TNNI3: variants seen among roughly 807,000 people sequenced by gnomAD.
TNNI3 encodes the protein troponin I3, cardiac type, also known as troponin I, cardiac muscle.
Under a neutral mutation model 31.5 loss-of-function variants are expected in TNNI3, and 23 were observed. The ratio of observed to expected loss-of-function variants is 0.73; its 90% confidence interval spans 0.52 to 1.03. The LOEUF (loss-of-function observed/expected upper bound fraction) is 1.03. Among genes scored for constraint, TNNI3 ranks in the 50% least tolerant of loss-of-function variants. TNNI3 has a pLI of 0.00. For synonymous variants in TNNI3, 120 were observed against 111.7 expected, an observed-to-expected ratio of 1.07 and a Z score of -0.47; for missense variants, 236 against 282.9, an observed-to-expected ratio of 0.83 and a Z score of 1.19.
At chr19:55,154,651 G>T in intron 6 of TNNI3, 90 bp downstream of exon 6, 1 of 1,165,760 alleles carries the variant, frequency 8.6e-7, no homozygotes, top group Non-Finnish European at 1.3e-6. Context: ...GGGATGTGCA[G>T]CCAAAAGCAG....
At position 55,157,647 on chromosome 19, in the gene TNNI3, G is replaced by T. The variant is rs768695532; in HGVS notation, c.-58C>A. 1 of 1,610,890 alleles carries T rather than the reference G, an allele frequency of 6.2e-7. No individual in the cohort carries two copies. Among genetic ancestry groups the T allele is most frequent in the Admixed American group, 1.7e-5 (1 of 59,850 alleles). ...GGGCGAGGACAGGGGCGTTTGGAGG[G>T]TCAGTGAGGGGGCCGCCCGGGTGAC... On this transcript the variant is annotated 5_prime_UTR_variant, in exon 1 of 8. Transcript: ENST00000344887. The surrounding 1 kb of genome is among the most constrained non-coding windows in gnomAD (Gnocchi z 6.3).
Position 55,156,718 on chromosome 19 carries a change from C to A in TNNI3, c.109-74G>T. ...GACGACGGTGGAGGGGACCTCAAGA[C>A]ACCCCCAGCAAACCCAGCCGGTCCA... On this transcript the variant is annotated intron_variant, in intron 3 of 7. Coordinates refer to ENST00000344887, the MANE Select transcript of TNNI3 (RefSeq NM_000363.5). This position sits in a 1 kb window ranked among gnomAD's most constrained non-coding sequence, Gnocchi z 4.6. The A allele has an allele frequency of 6.6e-7, 1 of 1,507,318 alleles. No homozygotes were observed. The highest frequency in any genetic ancestry group is 9.0e-7 in the Non-Finnish European group (1 of 1,106,892). 93.4% of individuals were successfully genotyped at this position (1,507,318 alleles called of 1,614,324 possible).
rs749136271 is a variant in TNNI3 at position 55,154,804 on chromosome 19, A to G, written c.309T>C (p.Arg103=). The change falls in exon 6 of 8, where the codon CGT becomes CGC. Residue 103 remains arginine, a synonymous_variant. Coordinates refer to ENST00000344887, the MANE Select transcript of TNNI3 (RefSeq NM_000363.5). ...LQDLCRQLHA[R]VDKVDEERYD... is the part of the protein sequence containing the mutation. ...ATCTCTCTTCATCCACCTTGTCCAC[A>G]CGGGCGTGGAGCTGTCGGCACAAGT... is the stretch of plus-strand genomic sequence containing the variant. 1 of 1,614,074 alleles carries G rather than the reference A, an allele frequency of 6.2e-7. No individual in the cohort carries two copies. The highest frequency in any genetic ancestry group is 8.5e-7 in the Non-Finnish European group (1 of 1,180,006).
Position 55,157,585 on chromosome 19 carries a change from G to T in TNNI3, c.5C>A (p.Ala2Glu). M[A>E]DGSSDAAREP... ...GCCTTGGGGCATCACTCACCCATCC[G>T]CCATGCTGAGACTCAGGCCGGGAAT... Residue 2 changes from alanine (A) to glutamate (E), a missense_variant, in exon 1 of 8, where the codon GCG becomes GAG. By Grantham distance (107) the Ala-to-Glu change is moderately radical (BLOSUM62 -1). This residue lies in a region of TNNI3 where 172 missense variants were observed against 171.8 expected (regional missense o/e 1.00). Transcript: ENST00000344887. This position sits in a 1 kb window ranked among gnomAD's most constrained non-coding sequence, Gnocchi z 6.3. 1 of 1,613,998 alleles carries T rather than the reference G, an allele frequency of 6.2e-7. No homozygotes were observed. Among genetic ancestry groups the T allele is most frequent in the African/African-American group, 1.3e-5 (1 of 75,040 alleles).
rs777905698 is a variant in TNNI3 at position 55,156,178 on chromosome 19, C to T, written c.282+23G>A. Reference sequence around the variant, plus strand: ...ACTGCTGAATTCCGGGACTAGAAACCTCGCATCCTTGGGAGCCGGTACCTG... The same window carrying T: ...ACTGCTGAATTCCGGGACTAGAAACTTCGCATCCTTGGGAGCCGGTACCTG... On this transcript the variant is annotated intron_variant, in intron 5 of 7. Transcript: ENST00000344887. The surrounding 1 kb of genome is among the most constrained non-coding windows in gnomAD (Gnocchi z 4.6). 1 of 1,612,492 alleles carries T rather than the reference C, an allele frequency of 6.2e-7. No homozygotes were observed. Among genetic ancestry groups the T allele is most frequent in the Non-Finnish European group, 8.5e-7 (1 of 1,179,724 alleles).
rs2085738889 is a variant in TNNI3 at position 55,157,120 on chromosome 19, C to A, written c.38G>T (p.Arg13Leu). The change falls in exon 3 of 8, where the codon CGC becomes CTC. Residue 13 changes from arginine to leucine, a missense_variant. Physicochemically the swap from Arg to Leu is moderately radical, Grantham distance 102. Coordinates refer to ENST00000344887, the MANE Select transcript of TNNI3 (RefSeq NM_000363.5). The surrounding 1 kb of genome is among the most constrained non-coding windows in gnomAD (Gnocchi z 6.3). The part of the protein sequence containing the change: ...DGSSDAAREP[R>L]PAPAPIRRRS... ...GCGTCTGATTGGGGCTGGTGCAGGGCGAGGTTCCCTAGCCTGGGTTAGGAG... is the reference window on the plus strand; with the variant it reads ...GCGTCTGATTGGGGCTGGTGCAGGGAGAGGTTCCCTAGCCTGGGTTAGGAG... 1 of 1,601,960 alleles carries A rather than the reference C, an allele frequency of 6.2e-7. No homozygotes were observed. The highest frequency in any genetic ancestry group is 8.5e-7 in the Non-Finnish European group (1 of 1,176,040).
At position 55,156,502 on chromosome 19, in the gene TNNI3, A is replaced by G. The variant is rs1224253740; in HGVS notation, c.150+101T>C. The G allele has an allele frequency of 1.2e-5, 18 of 1,520,254 alleles. No homozygotes were observed. Among genetic ancestry groups the G allele is most frequent in the Admixed American group, 3.9e-5 (2 of 50,698 alleles). The allele number at this position is 1,520,254 out of a possible 1,614,324, so 94.2% of individuals were successfully genotyped here. ...CTAAAGCCACGCCCCGAGCGGCCAAACCCCGCCCACTTCCGCCCACCTACC... is the reference window on the plus strand; with the variant it reads ...CTAAAGCCACGCCCCGAGCGGCCAAGCCCCGCCCACTTCCGCCCACCTACC... On this transcript the variant is annotated intron_variant, in intron 4 of 7. Transcript: ENST00000344887. The surrounding 1 kb of genome is among the most constrained non-coding windows in gnomAD (Gnocchi z 4.6).
At position 55,152,565 on chromosome 19, in the gene TNNI3, A is replaced by G. The variant is rs1440289134; in HGVS notation, c.550-648T>C. ...AGAAGGGTGATTACAGTGCTATAAG[A>G]TATTTTGAGAAAGAGACCACATTCA... On this transcript the variant is annotated intron_variant, in intron 7 of 7. Transcript: ENST00000344887. The surrounding 1 kb of genome is among the most constrained non-coding windows in gnomAD (Gnocchi z 4.0). 6.6e-6 allele frequency among the ~76,000 whole-genome samples: 1 copy of G among 152,228 alleles called. No homozygotes were observed. The highest frequency in any genetic ancestry group is 2.4e-5 in the African/African-American group (1 of 41,442).
chr19:55,153,896 T>C (rs957256846), intron 7 of TNNI3, 134 bp downstream of exon 7: 1 of 944,106 alleles, frequency 1.1e-6, no homozygotes, highest in African/African-American at 1.6e-5. Context: ...TGTCTTCCTC[T>C]TGCATTTCTG....
rs746952647 is a variant in TNNI3 at position 55,157,536 on chromosome 19, G to A, written c.11+43C>T. The A allele has an allele frequency of 3.7e-5, 59 of 1,612,456 alleles. No homozygotes were observed. The highest frequency in any genetic ancestry group is 4.6e-5 in the Non-Finnish European group (54 of 1,178,906). On this transcript the variant is annotated intron_variant, in intron 1 of 7. Transcript: ENST00000344887. This position sits in a 1 kb window ranked among gnomAD's most constrained non-coding sequence, Gnocchi z 6.3. ...CAGCTGCGACCCCTCTTGGGAACCCGGGAGGTCGCCCCCAACTCCCACTGC... is the reference window on the plus strand; with the variant it reads ...CAGCTGCGACCCCTCTTGGGAACCCAGGAGGTCGCCCCCAACTCCCACTGC...
chr19:55,156,840 T>G lies in TNNI3; in HGVS notation c.109-196A>C, dbSNP rs894602737. On this transcript the variant is annotated intron_variant, in intron 3 of 7. Coordinates refer to ENST00000344887, the MANE Select transcript of TNNI3 (RefSeq NM_000363.5). This position sits in a 1 kb window ranked among gnomAD's most constrained non-coding sequence, Gnocchi z 4.6. ...TGGGTCTCTTCCTTTGGATAGGCAC[T>G]TCCCATCTATCCCTAAGCAAGTCCG... is the stretch of plus-strand genomic sequence containing the variant. 2 of 829,138 alleles carry G rather than the reference T, an allele frequency of 2.4e-6. No homozygotes were observed. The highest frequency in any genetic ancestry group is 5.3e-5 in the East Asian group (2 of 37,560). 51.4% of individuals were successfully genotyped at this position (829,138 alleles called of 1,614,324 possible).
In TNNI3 at chr19:55,157,687, G is replaced by T. The variant is rs12973773; in HGVS notation, c.-98C>A. 0.013 allele frequency: 19,287 copies of T among 1,455,528 alleles called. 139 individuals are homozygous for T. The highest frequency in any genetic ancestry group is 0.016 in the Non-Finnish European group (16,552 of 1,042,760). The allele number at this position is 1,455,528 out of a possible 1,614,324, so 90.2% of individuals were successfully genotyped here. A position where few individuals can be genotyped will look rare whatever the true frequency, so the allele number is the denominator to read the frequency against. Reference sequence around the variant, plus strand: ...GCCCGGGTGACCTTCAGGGTCCCAGGGACCGTCAGTCTCCTCCGGGCTGCT... The same window carrying T: ...GCCCGGGTGACCTTCAGGGTCCCAGTGACCGTCAGTCTCCTCCGGGCTGCT... On this transcript the variant is annotated 5_prime_UTR_variant, in exon 1 of 8. Transcript: ENST00000344887. This position sits in a 1 kb window ranked among gnomAD's most constrained non-coding sequence, Gnocchi z 6.3.
chr19:55,153,939 T>C, intron 7 of TNNI3, 91 bp downstream of exon 7: 1 of 1,493,602 alleles, frequency 6.7e-7, no homozygotes. Flanking sequence ...TACCTCCAAC[T>C]CCAAGCACCA....
Position 55,156,498 on chromosome 19 carries a change from C to G in TNNI3, c.150+105G>C, listed in dbSNP as rs1490353194. ...CCCGCTAAAGCCACGCCCCGAGCGG[C>G]CAAACCCCGCCCACTTCCGCCCACC... On this transcript the variant is annotated intron_variant, in intron 4 of 7. Transcript: ENST00000344887. The surrounding 1 kb of genome is among the most constrained non-coding windows in gnomAD (Gnocchi z 4.6). 3.3e-6 allele frequency: 5 copies of G among 1,522,034 alleles called. No homozygotes were observed. The highest frequency in any genetic ancestry group is 2.8e-5 in the African/African-American group (2 of 72,324). 94.3% of individuals were successfully genotyped at this position (1,522,034 alleles called of 1,614,324 possible). A position where few individuals can be genotyped will look rare whatever the true frequency, so the allele number is the denominator to read the frequency against.
chr19:55,154,436 A>G, intron 6 of TNNI3: 3 of 626,716 alleles, frequency 4.8e-6, no homozygotes, highest in Non-Finnish European at 8.5e-6. Context: ...TGGTCCAGCT[A>G]CATGCAAATC....
intron 7 of TNNI3, among the ~76,000 whole-genome samples, chr19:55,153,762 A>ATTTTTTTTT (rs1259204157): frequency 2.6e-5 from 4 of 152,330 alleles, no homozygotes; most frequent in Non-Finnish European, 4.4e-5. Context: ...ATTAAAAAAA[A>ATTTTTTTTT]ATTTTTTTTA....
chr19:55,154,977 G>C (rs569755158), intron 5 of TNNI3, 147 bp from the exon 6 acceptor site: 1 of 705,312 alleles, frequency 1.4e-6, no homozygotes, highest in Admixed American at 2.1e-5. Context: ...CTGGGTCTGA[G>C]GGAGGAGTTG....
Position 55,157,408 on chromosome 19 carries a change from C to G in TNNI3, c.12-100G>C, listed in dbSNP as rs2085742153. 12 of 1,600,106 alleles carry G rather than the reference C, an allele frequency of 7.5e-6. No homozygotes were observed. Among genetic ancestry groups the G allele is most frequent in the Admixed American group, 1.7e-5 (1 of 59,400 alleles). On this transcript the variant is annotated intron_variant, in intron 1 of 7. Coordinates refer to ENST00000344887, the MANE Select transcript of TNNI3 (RefSeq NM_000363.5). This position sits in a 1 kb window ranked among gnomAD's most constrained non-coding sequence, Gnocchi z 6.3. ...CTCTGAACAAGAGGTCGGGGGACCG[C>G]GCTTCCCCTTCCTTGGGTTCCAGGA...
chr19:55,156,779 A>C lies in TNNI3; in HGVS notation c.109-135T>G. 1.0e-6 allele frequency: 1 copy of C among 997,824 alleles called. No homozygotes were observed. Among genetic ancestry groups the C allele is most frequent in the Non-Finnish European group, 1.5e-6 (1 of 647,054 alleles). 61.8% of individuals were successfully genotyped at this position (997,824 alleles called of 1,614,324 possible). On this transcript the variant is annotated intron_variant, in intron 3 of 7. Transcript: ENST00000344887. This position sits in a 1 kb window ranked among gnomAD's most constrained non-coding sequence, Gnocchi z 4.6. ...CACGTCCAACTTGAGCCCTGAGTCT[A>C]CGGGAGGCCACGCCCCTCATTCCCA...
Sources: allele counts gnomAD v4.1 joint callset (sites outside exome capture counted in the v4.1 genomes callset), GRCh38; gene constraint gnomAD v4.1.1; regional missense constraint gnomAD v4.1.1; non-coding constraint Gnocchi (gnomAD v3.1); transcripts MANE v1.5; gene names NCBI Gene and HGNC (gene_info 2026-07-23, HGNC 2026-07-21).